Variants in PLXNA2 observed in about 807,000 individuals in gnomAD.
The protein encoded by PLXNA2 is plexin-A2.
In PLXNA2, 91 loss-of-function variants were observed where a neutral mutation model predicts 193.5. That is an observed-to-expected ratio of 0.47 (90% CI 0.40 to 0.56). The LOEUF is 0.56. Among genes scored for constraint, PLXNA2 ranks in the 20% least tolerant of loss-of-function variants. The pLI is 0.00. For missense variants in PLXNA2, 1,995 were observed against 2,503.2 expected, an observed-to-expected ratio of 0.80 and a Z score of 4.33; for synonymous variants, 997 against 1,027.3, an observed-to-expected ratio of 0.97 and a Z score of 0.56.
At chr1:208,224,816 G>T (rs1671462899) in intron 1 of PLXNA2, among the ~76,000 whole-genome samples, 1 of 152,126 alleles carries the variant, frequency 6.6e-6, no homozygotes, top group African/African-American at 2.4e-5. Context: ...GAGGTGTCAA[G>T]ACAAATTTGG....
At position 208,038,684 on chromosome 1, in the gene PLXNA2, A is replaced by G. The variant is rs1664755504; in HGVS notation, c.4660+141T>C. 2 of 911,024 alleles carry G rather than the reference A, an allele frequency of 2.2e-6. No individual in the cohort carries two copies. Among genetic ancestry groups the G allele is most frequent in the South Asian group, 3.2e-5 (2 of 63,404 alleles). The allele number at this position is 911,024 out of a possible 1,614,324, so 56.4% of individuals were successfully genotyped here. A position where few individuals can be genotyped will look rare whatever the true frequency, so the allele number is the denominator to read the frequency against. On this transcript the variant is annotated intron_variant, in intron 25 of 31. Coordinates refer to ENST00000367033, the MANE Select transcript of PLXNA2 (RefSeq NM_025179.4). The surrounding 1 kb of genome is among the most constrained non-coding windows in gnomAD (Gnocchi z 4.1). Reference sequence around the variant, plus strand: ...CAGAGACAGCCACATCTGAACAGGCAGCGCTCAAAGCGGGAAGCATTTCAC... The same window carrying G: ...CAGAGACAGCCACATCTGAACAGGCGGCGCTCAAAGCGGGAAGCATTTCAC...
chr1:208,108,972 G>A (rs1456248117), intron 4 of PLXNA2, among the ~76,000 whole-genome samples: 1 of 152,174 alleles, frequency 6.6e-6, no homozygotes, highest in African/African-American at 2.4e-5. Flanking sequence ...TCCCCAGGCT[G>A]GTGGGCCCCT....
chr1:208,188,225 A>G (rs1670067160), intron 3 of PLXNA2, among the ~76,000 whole-genome samples: 1 of 152,154 alleles, frequency 6.6e-6, no homozygotes, highest in Admixed American at 6.5e-5. Context: ...CCCAAAACCT[A>G]CAGAGATTAC....
At chr1:208,049,704 C>A (rs918565836) in intron 17 of PLXNA2, among the ~76,000 whole-genome samples, 1 of 152,178 alleles carries the variant, frequency 6.6e-6, no homozygotes, top group Non-Finnish European at 1.5e-5. Context: ...ACTTAGTTTC[C>A]TCTGCTACAC....
chr1:208,116,885 A>C (rs1350504051), intron 4 of PLXNA2, among the ~76,000 whole-genome samples: 1 of 152,172 alleles, frequency 6.6e-6, no homozygotes, highest in East Asian at 1.9e-4. Flanking sequence ...TGAAAGGATT[A>C]AAGGGGCCAG....
At chr1:208,081,610 G>A (rs910447264) in intron 11 of PLXNA2, among the ~76,000 whole-genome samples, 36 of 152,140 alleles carry the variant, frequency 2.4e-4, no homozygotes, top group African/African-American at 8.0e-4. Flanking sequence ...TATCTGACTC[G>A]TGGCCCATTT....
At chr1:208,113,005 C>CAAAAAAA (rs5780433) in intron 4 of PLXNA2, among the ~76,000 whole-genome samples, 18 of 114,564 alleles carry the variant, frequency 1.6e-4, no homozygotes, top group African/African-American at 4.9e-4. Flanking sequence ...GAAGGACCTA[C>CAAAAAAA]AAAAAAAAAA....
chr1:208,072,638 G>A (rs980281770), intron 12 of PLXNA2, among the ~76,000 whole-genome samples: 1 of 152,140 alleles, frequency 6.6e-6, no homozygotes, highest in African/African-American at 2.4e-5. Flanking sequence ...ACCCAACTGA[G>A]TGTGATAGCT....
At chr1:208,047,509 A>G (rs1665117959) in intron 17 of PLXNA2, among the ~76,000 whole-genome samples, 1 of 152,228 alleles carries the variant, frequency 6.6e-6, no homozygotes, top group Non-Finnish European at 1.5e-5. Flanking sequence ...AGAAACCACT[A>G]AAGGGCCCAC....
rs149145641 is a variant in PLXNA2, at chr1:208,118,095, C to A, written c.1507-14848G>T. On this transcript the variant is annotated intron_variant, in intron 4 of 31. Coordinates refer to ENST00000367033, the MANE Select transcript of PLXNA2 (RefSeq NM_025179.4). ...TATCTCCCAGCACGTGGGTTGGGCA[C>A]GATGATGTTAAGGACTGCTGTTCCT... Among the ~76,000 whole-genome samples, 494 of 152,220 alleles carry A rather than the reference C, an allele frequency of 3.2e-3. 1 individual carries two copies. The highest frequency in any genetic ancestry group is 0.011 in the African/African-American group (437 of 41,542).
chr1:208,064,388 G>C (rs1384829330), intron 12 of PLXNA2, among the ~76,000 whole-genome samples: 1 of 152,196 alleles, frequency 6.6e-6, no homozygotes, highest in Non-Finnish European at 1.5e-5. Flanking sequence ...TCCTAAGGCT[G>C]GCCTGGCAGG....
At chr1:208,063,249 G>A (rs565401306) in intron 12 of PLXNA2, among the ~76,000 whole-genome samples, 1 of 152,300 alleles carries the variant, frequency 6.6e-6, no homozygotes, top group East Asian at 1.9e-4. Context: ...TAGCATGTGG[G>A]GACCGCATTG....
At chr1:208,204,939 TTAAGGTCCCTGGGACTAAG>T (rs1218840845) in intron 3 of PLXNA2, among the ~76,000 whole-genome samples, 2 of 152,116 alleles carry the variant, frequency 1.3e-5, no homozygotes, top group Non-Finnish European at 2.9e-5. Flanking sequence ...CTGCTGCTGT[TTAAGGTCCCTGGGACTAAG>T]AGGCTAGAGA....
At chr1:208,118,496 GC>G (rs1458656567) in intron 4 of PLXNA2, among the ~76,000 whole-genome samples, 3 of 152,242 alleles carry the variant, frequency 2.0e-5, no homozygotes, top group East Asian at 3.9e-4. Context: ...CAGGTTAGTA[GC>G]CCTCTCTGGG....
chr1:208,221,246 A>T (rs1011695622), intron 1 of PLXNA2, among the ~76,000 whole-genome samples: 2 of 151,944 alleles, frequency 1.3e-5, no homozygotes, highest in African/African-American at 4.8e-5. Flanking sequence ...AACCTATAAG[A>T]TTTCCTTTTT....
intron 4 of PLXNA2, among the ~76,000 whole-genome samples, chr1:208,129,757 A>G (rs1668091911): frequency 6.6e-6 from 1 of 152,108 alleles, no homozygotes. Flanking sequence ...CTGTATTGTA[A>G]CTCACTACTT....
intron 5 of PLXNA2, among the ~76,000 whole-genome samples, chr1:208,099,525 C>T (rs1667023797): frequency 6.6e-6 from 1 of 152,166 alleles, no homozygotes; most frequent in Non-Finnish European, 1.5e-5. Flanking sequence ...CTTATGTTCC[C>T]TGCCTCCAGA....
intron 13 of PLXNA2, 56 bp from the exon 14 acceptor site, chr1:208,054,594 T>C (rs2102339937): frequency 8.5e-7 from 1 of 1,181,378 alleles, no homozygotes; most frequent in Non-Finnish European, 1.3e-6. Context: ...GCATCGCTGT[T>C]CACTTGCTCT....
At chr1:208,174,696 G>A (rs982561611) in intron 3 of PLXNA2, among the ~76,000 whole-genome samples, 4 of 152,138 alleles carry the variant, frequency 2.6e-5, no homozygotes, top group African/African-American at 7.2e-5. Flanking sequence ...TCTGCTCAAG[G>A]CTCAGCCCAG....
Sources: allele counts gnomAD v4.1 joint callset (sites outside exome capture counted in the v4.1 genomes callset), GRCh38; gene constraint gnomAD v4.1.1; non-coding constraint Gnocchi (gnomAD v3.1); transcripts MANE v1.5; gene names NCBI Gene and HGNC (gene_info 2026-07-23, HGNC 2026-07-21).